ZNF236: variants seen among roughly 807,000 people sequenced by gnomAD.
ZNF236 encodes regulated by glucose.
ZNF236 carries 50 observed loss-of-function variants against 191.2 expected under a neutral mutation model. The observed-to-expected ratio is 0.26, with a 90% CI of 0.21 to 0.33. The LOEUF (loss-of-function observed/expected upper bound fraction) is 0.33, where lower values mean the gene tolerates loss of function less well. Ranked by LOEUF, ZNF236 falls within the 10% of genes least tolerant of loss-of-function variation. The pLI, the probability that ZNF236 is intolerant of heterozygous loss-of-function variation, is 1.00. For synonymous variants in ZNF236, 907 were observed against 928.8 expected (o/e 0.98, Z 0.43); for missense variants, 1,754 against 2,374.5 (o/e 0.74, Z 5.43).
At chr18:76,959,308 C>T (rs3829624) in intron 28 of ZNF236, among the ~76,000 whole-genome samples, 34,969 of 152,112 alleles carry the variant, frequency 0.23, 4,873 homozygotes, top group East Asian at 0.33. Context: ...GTGTGTGAAA[C>T]GGGGACAGGA....
chr18:76,878,471 G>A (rs1976779011), intron 7 of ZNF236, among the ~76,000 whole-genome samples: 1 of 152,056 alleles, frequency 6.6e-6, no homozygotes, highest in South Asian at 2.1e-4. Context: ...ATTATCCTTT[G>A]TAGGTAATAT....
intron 3 of ZNF236, among the ~76,000 whole-genome samples, chr18:76,855,885 C>G (rs1195139932): frequency 6.6e-6 from 1 of 152,086 alleles, no homozygotes; most frequent in Non-Finnish European, 1.5e-5. Context: ...TGAGGAAACC[C>G]TGGGTTAATA....
rs1255877781 is a variant in ZNF236, at chr18:76,971,660, T to G, written c.*3321T>G. ...AGAAGTAGAAGTGGATTTCTTGTCT[T>G]GCTGTGGGTTTTCCTCATTTTAGAA... On this transcript the variant is annotated 3_prime_UTR_variant, in exon 31 of 31. Coordinates refer to ENST00000320610, the MANE Select transcript of ZNF236 (RefSeq NM_001306089.2). Among the ~76,000 whole-genome samples, 1 of 152,250 alleles carries G rather than the reference T, an allele frequency of 6.6e-6. No individual in the cohort carries two copies. Among genetic ancestry groups the G allele is most frequent in the Non-Finnish European group, 1.5e-5 (1 of 68,034 alleles).
intron 3 of ZNF236, among the ~76,000 whole-genome samples, chr18:76,857,574 G>C (rs1343967848): frequency 2.6e-5 from 4 of 152,122 alleles, no homozygotes; most frequent in Non-Finnish European, 5.9e-5. Context: ...AAGGCTCGGG[G>C]TTTAGTTTTT....
chr18:76,922,174 G>A (rs568025287), intron 20 of ZNF236, among the ~76,000 whole-genome samples: 2 of 152,232 alleles, frequency 1.3e-5, no homozygotes, highest in Admixed American at 1.3e-4. Context: ...AATCTTACCA[G>A]ACCCCTCCCG....
intron 2 of ZNF236, among the ~76,000 whole-genome samples, chr18:76,851,003 G>A (rs1020692447): frequency 1.5e-4 from 23 of 148,626 alleles, no homozygotes; most frequent in African/African-American, 5.4e-4. Flanking sequence ...ACAATCCAAT[G>A]AATTTATACG....
At chr18:76,895,451 AGT>A (rs1977375404) in intron 10 of ZNF236, 166 bp downstream of exon 10, 1 of 1,003,078 alleles carries the variant, frequency 1.0e-6, no homozygotes, top group African/African-American at 1.6e-5. Flanking sequence ...ACTGCACGTA[AGT>A]GTGGCCCGCA....
In ZNF236 at chr18:76,910,086, A is replaced by G. The variant is rs763936888; in HGVS notation, c.2570A>G (p.Gln857Arg). The change falls in exon 15 of 31, where the codon CAG (glutamine) becomes CGG (arginine). Residue 857 changes from glutamine (Q) to arginine (R), a missense_variant. By Grantham distance (43) the Gln-to-Arg change is conservative. Coordinates refer to ENST00000320610, the MANE Select transcript of ZNF236 (RefSeq NM_001306089.2). Reference protein sequence around the residue: ...EADEDGFVAPQDPLRGHVDQF... With the variant: ...EADEDGFVAPRDPLRGHVDQF... ...TCCTCAGATGGGTTTGTGGCTCCAC[A>G]GGACCCTCTGCGAGGGCACGTAGAC... is the stretch of plus-strand genomic sequence containing the variant. 1.9e-6 allele frequency: 3 copies of G among 1,612,764 alleles called. No homozygotes were observed. Among genetic ancestry groups the G allele is most frequent in the Non-Finnish European group, 2.5e-6 (3 of 1,178,936 alleles).
chr18:76,927,948 T>G lies in ZNF236; in HGVS notation c.4436T>G (p.Val1479Gly). The G allele has an allele frequency of 1.9e-6, 3 of 1,607,782 alleles. No individual in the cohort carries two copies. Among genetic ancestry groups the G allele is most frequent in the Non-Finnish European group, 2.5e-6 (3 of 1,176,890 alleles). The change falls in exon 25 of 31, where the codon GTG becomes GGG. Residue 1479 changes from valine (V) to glycine (G), a missense_variant. By Grantham distance (109) the Val-to-Gly change is moderately radical. Coordinates refer to ENST00000320610, the MANE Select transcript of ZNF236 (RefSeq NM_001306089.2). This position sits in a 1 kb window ranked among gnomAD's most constrained non-coding sequence, Gnocchi z 5.4. The stretch of plus-strand genomic sequence containing the variant: ...TCAGGGACCCAAGACCTCACTCAAG[T>G]GATGACTTCGCAAGGTCTAGTGTCC... ...NSSGTQDLTQ[V>G]MTSQGLVSPS... is the part of the protein sequence containing the mutation.
At chr18:76,921,748 T>C (rs1229305455) in intron 20 of ZNF236, among the ~76,000 whole-genome samples, 1 of 145,972 alleles carries the variant, frequency 6.9e-6, no homozygotes, top group African/African-American at 2.5e-5. Flanking sequence ...TTTTTTTTTT[T>C]TTTTTTTTTT....
At chr18:76,939,091 G>A (rs1451308828) in intron 26 of ZNF236, among the ~76,000 whole-genome samples, 1 of 152,164 alleles carries the variant, frequency 6.6e-6, no homozygotes, top group Admixed American at 6.5e-5. Flanking sequence ...TGTAATCCCA[G>A]CACTTTGGCA....
chr18:76,835,077 G>C (rs954966240), intron 1 of ZNF236, among the ~76,000 whole-genome samples: 3 of 151,104 alleles, frequency 2.0e-5, no homozygotes, highest in Non-Finnish European at 2.9e-5. Flanking sequence ...AGGTATTAAG[G>C]CTATTGGCAA....
At chr18:76,860,578 C>T (rs1215905015) in intron 3 of ZNF236, among the ~76,000 whole-genome samples, 1 of 152,192 alleles carries the variant, frequency 6.6e-6, no homozygotes, top group Non-Finnish European at 1.5e-5. Context: ...TCAGTCCCTG[C>T]CTCTGCTGTT....
Position 76,919,808 on chromosome 18 carries a change from G to C in ZNF236, c.3307G>C (p.Asp1103His). The C allele has an allele frequency of 6.2e-7, 1 of 1,614,158 alleles. No individual in the cohort carries two copies. Among genetic ancestry groups the C allele is most frequent in the African/African-American group, 1.3e-5 (1 of 75,034 alleles). ...TATGGAGGAAGAGGAAGAACATTCT[G>C]ACAGAAATGCATCACGGAAGTCTCG... ...ICMEEEEEHS[D>H]RNASRKSRPE... Residue 1103 changes from aspartate (D) to histidine (H), a missense_variant, in exon 20 of 31, where the codon GAC (aspartate) becomes CAC (histidine). This residue lies in a region of ZNF236 where 641 missense variants were observed against 869.6 expected (regional missense o/e 0.74). Coordinates refer to ENST00000320610, the MANE Select transcript of ZNF236 (RefSeq NM_001306089.2). This position sits in a 1 kb window ranked among gnomAD's most constrained non-coding sequence, Gnocchi z 5.3.
intron 10 of ZNF236, among the ~76,000 whole-genome samples, chr18:76,896,306 G>A (rs1027253856): frequency 8.6e-5 from 13 of 151,048 alleles, no homozygotes; most frequent in Non-Finnish European, 1.8e-4. Flanking sequence ...ACAGCCTGCC[G>A]TGCTGCACAC....
chr18:76,893,016 T>C (rs578151184), intron 9 of ZNF236, among the ~76,000 whole-genome samples: 67 of 152,320 alleles, frequency 4.4e-4, no homozygotes, highest in African/African-American at 1.4e-3. Context: ...AAACAAAACA[T>C]ATGCAGGCCA....
Position 76,927,468 on chromosome 18 carries a change from C to T in ZNF236, c.4365C>T (p.Thr1455=). 6.2e-7 allele frequency: 1 copy of T among 1,614,176 alleles called. No individual in the cohort carries two copies. The highest frequency in any genetic ancestry group is 8.5e-7 in the Non-Finnish European group (1 of 1,180,048). The change falls in exon 24 of 31, where the codon ACC becomes ACT. Residue 1455 remains threonine, a synonymous_variant. Transcript: ENST00000320610. This position sits in a 1 kb window ranked among gnomAD's most constrained non-coding sequence, Gnocchi z 5.4. ...LQPTVTSANL[T]IGPLSEQDSV... ...CCACAGTGACCTCTGCGAACCTGAC[C>T]ATAGGCCCGCTGTCTGAGCAGGATT...
chr18:76,846,897 C>T (rs1455793826), intron 1 of ZNF236, among the ~76,000 whole-genome samples: 5 of 151,920 alleles, frequency 3.3e-5, no homozygotes, highest in African/African-American at 1.2e-4. Flanking sequence ...TGGGTTCAAG[C>T]GATTCTCCTG....
rs1175447688 is a variant in ZNF236 at position 76,934,297 on chromosome 18, C to G, written c.4595-2859C>G. Among the ~76,000 whole-genome samples the G allele has an allele frequency of 3.3e-5, 5 of 152,320 alleles. No individual in the cohort carries two copies. The East Asian group carries it at 9.6e-4, about 29-fold the overall frequency. ...GTGATGCAGGAGTTGAAGACTATTT[C>G]AGAGTTTCATCCCAACATCCATTCC... is the stretch of plus-strand genomic sequence containing the variant. On this transcript the variant is annotated intron_variant, in intron 25 of 30. Coordinates refer to ENST00000320610, the MANE Select transcript of ZNF236 (RefSeq NM_001306089.2).
Sources: allele counts gnomAD v4.1 joint callset (sites outside exome capture counted in the v4.1 genomes callset), GRCh38; gene constraint gnomAD v4.1.1; regional missense constraint gnomAD v4.1.1; non-coding constraint Gnocchi (gnomAD v3.1); transcripts MANE v1.5; gene names NCBI Gene and HGNC (gene_info 2026-07-23, HGNC 2026-07-21).